ABCB8: variants seen among roughly 807,000 people sequenced by gnomAD.
ABCB8 encodes the protein mitochondrial potassium channel ATP-binding subunit.
A neutral mutation model predicts 73.0 loss-of-function variants in ABCB8; 52 were observed. That is an observed-to-expected ratio of 0.71 (90% CI 0.57 to 0.90). ABCB8 has a LOEUF of 0.90. Among genes scored for constraint, ABCB8 ranks in the 40% least tolerant of loss-of-function variants. The pLI, the probability that ABCB8 is intolerant of heterozygous loss-of-function variation, is 0.00. For synonymous variants in ABCB8, 428 were observed against 423.5 expected (o/e 1.01, Z -0.13); for missense variants, 909 against 974.6 (o/e 0.93, Z 0.90).
intron 1 of ABCB8, chr7:151,031,296 G>C (rs1045002784): frequency 6.5e-7 from 1 of 1,549,372 alleles, no homozygotes; most frequent in Non-Finnish European, 8.7e-7. Context: ...AGGAGAGTAA[G>C]CGTCTCTATC....
intron 6 of ABCB8, 25 bp from the exon 7 acceptor site, chr7:151,035,857 G>A (rs1355873445): frequency 8.7e-6 from 14 of 1,611,906 alleles, no homozygotes; most frequent in Non-Finnish European, 1.1e-5. Flanking sequence ...TGGACTCCTT[G>A]TCCTGTTTCC....
At chr7:151,028,956 C>T in intron 1 of ABCB8, 2 of 1,285,464 alleles carry the variant, frequency 1.6e-6, no homozygotes, top group South Asian at 2.6e-5. Context: ...TATGAAGAGA[C>T]ATTTAATGTA....
intron 1 of ABCB8, chr7:151,033,236 C>T: frequency 4.7e-6 from 2 of 424,896 alleles, no homozygotes; most frequent in Non-Finnish European, 4.4e-6. Context: ...AAACCCCCGG[C>T]CCCTTCCTGT....
Position 151,040,711 on chromosome 7 carries a change from G to A in ABCB8, c.1388+77G>A. ...CGAGTGGATTCGGGGGTGGAGGTCTGGACTAATGTCCCCCATAAACAGGCC... is the reference window on the plus strand; with the variant it reads ...CGAGTGGATTCGGGGGTGGAGGTCTAGACTAATGTCCCCCATAAACAGGCC... On this transcript the variant is annotated intron_variant, in intron 11 of 15. Transcript: ENST00000358849. 13 of 1,601,112 alleles carry A rather than the reference G, an allele frequency of 8.1e-6. No homozygotes were observed. In the South Asian group the frequency reaches 1.3e-4, roughly 16 times the overall value.
intron 5 of ABCB8, 128 bp from the exon 6 acceptor site, chr7:151,035,453 G>T (rs1796276665): frequency 8.9e-6 from 10 of 1,119,720 alleles, no homozygotes; most frequent in Non-Finnish European, 1.1e-5. Context: ...CTGCCACTGG[G>T]CCTCCCAGGG....
intron 10 of ABCB8, 36 bp from the exon 11 acceptor site, chr7:151,040,462 C>T (rs1004760982): frequency 1.9e-6 from 3 of 1,594,370 alleles, no homozygotes; most frequent in Non-Finnish European, 2.6e-6. Context: ...CACCCCTACT[C>T]CTGCCTCCCT....
intron 1 of ABCB8, among the ~76,000 whole-genome samples, chr7:151,030,488 A>G (rs1416406540): frequency 1.4e-5 from 2 of 145,374 alleles, no homozygotes; most frequent in East Asian, 4.1e-4. Flanking sequence ...GCGCTCCAGC[A>G]TGACAGAGCA....
rs764667294 is a variant in ABCB8, at chr7:151,040,534, G to A, written c.1288G>A (p.Glu430Lys). 2 of 1,613,160 alleles carry A rather than the reference G, an allele frequency of 1.2e-6. No homozygotes were observed. Among genetic ancestry groups the A allele is most frequent in the South Asian group, 1.1e-5 (1 of 91,062 alleles). The change falls in exon 11 of 16, where the codon GAG becomes AAG. Residue 430 changes from glutamate to lysine, a missense_variant. Transcript: ENST00000358849. ...RGLSAGARVF[E>K]YMALNPCIPL... ...GCTGAGTGCAGGTGCCCGGGTCTTT[G>A]AGTACATGGCCCTGAACCCCTGCAT...
At chr7:151,031,183 T>G (rs1468145371) in intron 1 of ABCB8, 1 of 1,091,688 alleles carries the variant, frequency 9.2e-7, no homozygotes, top group African/African-American at 1.6e-5. Flanking sequence ...TTGCGGAACA[T>G]CTATTATGTA....
At chr7:151,034,152 G>C in intron 2 of ABCB8, 121 bp from the exon 3 acceptor site, 1 of 1,282,200 alleles carries the variant, frequency 7.8e-7, no homozygotes, top group Non-Finnish European at 1.1e-6. Flanking sequence ...CACATGACCA[G>C]CCACAACCTG....
intron 10 of ABCB8, 64 bp downstream of exon 10, chr7:151,040,365 A>G: frequency 6.2e-7 from 1 of 1,601,928 alleles, no homozygotes; most frequent in South Asian, 1.1e-5. Context: ...CCGCTGTGGG[A>G]GCTGCCTATT....
At chr7:151,038,096 A>T (rs1163699984) in intron 9 of ABCB8, 1 of 152,428 alleles carries the variant, frequency 6.6e-6, no homozygotes, top group Non-Finnish European at 1.5e-5. Context: ...AGATGCTCTC[A>T]CTGTGATAGA....
chr7:151,029,865 G>A (rs1158777742), intron 1 of ABCB8: 1 of 152,180 alleles, frequency 6.6e-6, no homozygotes, highest in Non-Finnish European at 1.5e-5. Flanking sequence ...GATTCCCAAG[G>A]GCAGGTGGAT....
rs774009449 is a variant in ABCB8 at position 151,035,702 on chromosome 7, G to A, written c.887G>A (p.Gly296Asp). ...CTGATGGGAGTGGGCACCCTGATGGGCTCAGGCCTCCGAAAATTGTCTCGC... is the reference window on the plus strand; with the variant it reads ...CTGATGGGAGTGGGCACCCTGATGGACTCAGGCCTCCGAAAATTGTCTCGC... ...PALMGVGTLM[G>D]SGLRKLSRQC... The change falls in exon 6 of 16, where the codon GGC (glycine) becomes GAC (aspartate). Residue 296 changes from glycine to aspartate, a missense_variant. Transcript: ENST00000358849. 1.2e-6 allele frequency: 2 copies of A among 1,613,524 alleles called. No individual in the cohort carries two copies. The highest frequency in any genetic ancestry group is 3.3e-5 in the Admixed American group (2 of 60,018).
chr7:151,042,074 C>T lies in ABCB8; in HGVS notation c.1731C>T (p.Ile577=). 6.2e-7 allele frequency: 1 copy of T among 1,613,200 alleles called. No individual in the cohort carries two copies. ...GGGAAGCGAATGCTCACGAGTTCAT[C>T]ACCAGCTTCCCCGAGGGCTACAACA... ...AAREANAHEF[I]TSFPEGYNTV... The change falls in exon 14 of 16, where the codon ATC becomes ATT. Residue 577 remains isoleucine (I), a synonymous_variant. Transcript: ENST00000358849.
chr7:151,032,879 C>T (rs753297285), intron 1 of ABCB8: 21 of 377,904 alleles, frequency 5.6e-5, no homozygotes, highest in South Asian at 3.8e-4. Context: ...GCGCCCCAGG[C>T]CAGGGAGGGG....
intron 1 of ABCB8, chr7:151,031,717 C>G (rs1796169452): frequency 6.5e-6 from 1 of 153,940 alleles, no homozygotes; most frequent in African/African-American, 2.4e-5. Flanking sequence ...CTGTGACCTC[C>G]TCCTCCCAGG....
chr7:151,028,682 T>TGC, intron 1 of ABCB8, 72 bp downstream of exon 1: 1 of 1,574,968 alleles, frequency 6.3e-7, no homozygotes, highest in South Asian at 1.1e-5. Flanking sequence ...CGCCGGGAGA[T>TGC]GGAGTCCACG....
rs757227667 is a variant in ABCB8, at chr7:151,040,850, G to A, written c.1411G>A (p.Glu471Lys). ...CFSYPCRPGFEVLKDFTLTLP... is the reference protein window; with the variant it reads ...CFSYPCRPGFKVLKDFTLTLP... ...CAGCTACCCCTGCCGCCCCGGCTTC[G>A]AGGTGCTGAAAGACTTCACCCTGAC... Residue 471 changes from glutamate to lysine, a missense_variant, in exon 12 of 16, where the codon GAG (glutamate) becomes AAG (lysine). By Grantham distance (56) the Glu-to-Lys change is moderately conservative. Coordinates refer to ENST00000358849, the MANE Select transcript of ABCB8 (RefSeq NM_007188.5). The A allele has an allele frequency of 3.3e-5, 52 of 1,599,742 alleles. No individual in the cohort carries two copies. The highest frequency in any genetic ancestry group is 5.4e-5 in the African/African-American group (4 of 74,614).
Sources: gnomAD v4.1 joint callset for allele counts (sites outside exome capture counted in the v4.1 genomes callset) on GRCh38, gnomAD v4.1.1 for gene constraint, MANE v1.5 for transcripts, NCBI Gene and HGNC (gene_info 2026-07-23, HGNC 2026-07-21) for gene names.